WSCD2: variants seen among roughly 807,000 people sequenced by gnomAD.
WSCD2 encodes WSC domain sialate O sulfotransferase 2.
WSCD2 carries 28 observed loss-of-function variants against 55.7 expected under a neutral mutation model. The ratio of observed to expected loss-of-function variants is 0.50; its 90% CI spans 0.37 to 0.69. The LOEUF is 0.69. Among genes scored for constraint, WSCD2 ranks in the 30% least tolerant of loss-of-function variants. WSCD2 has a pLI of 0.00. For missense variants in WSCD2, 616 were observed against 762.1 expected, an observed-to-expected ratio of 0.81 and a Z score of 2.26; for synonymous variants, 301 against 301.9, an observed-to-expected ratio of 1.00 and a Z score of 0.03.
chr12:108,176,351 T>G (rs1880866817), intron 1 of WSCD2, among the ~76,000 whole-genome samples: 1 of 152,166 alleles, frequency 6.6e-6, no homozygotes, highest in Non-Finnish European at 1.5e-5. Context: ...TGACAACCAC[T>G]ATCTGTTTTG....
chr12:108,160,980 G>A (rs1393844772), intron 1 of WSCD2, among the ~76,000 whole-genome samples: 1 of 152,142 alleles, frequency 6.6e-6, no homozygotes, highest in Non-Finnish European at 1.5e-5. Flanking sequence ...CCACCTAACT[G>A]GATTATTGGG....
At chr12:108,224,939 G>A in intron 5 of WSCD2, 79 bp downstream of exon 5, 1 of 1,554,328 alleles carries the variant, frequency 6.4e-7, no homozygotes, top group Non-Finnish European at 8.6e-7. Context: ...TGCTTGGCTG[G>A]AGAAGCAACA....
intron 1 of WSCD2, among the ~76,000 whole-genome samples, chr12:108,166,740 CTTT>C (rs1565928615): frequency 1.1e-4 from 6 of 55,416 alleles, no homozygotes; most frequent in Non-Finnish European, 2.4e-4. Flanking sequence ...TTCTTTCTTT[CTTT>C]CCTTCTTTCT....
intron 1 of WSCD2, among the ~76,000 whole-genome samples, chr12:108,178,638 C>T (rs189663812): frequency 3.3e-5 from 5 of 152,318 alleles, no homozygotes; most frequent in Admixed American, 2.0e-4. Flanking sequence ...ACAGATCCTA[C>T]ACCTTCTTAG....
chr12:108,184,813 T>C lies in WSCD2; in HGVS notation c.-551-10469T>C, dbSNP rs1443972667. Among the ~76,000 whole-genome samples, 3 of 152,232 alleles carry C rather than the reference T, an allele frequency of 2.0e-5. No individual in the cohort carries two copies. In the East Asian group the frequency reaches 5.8e-4, roughly 29 times the overall value. ...CGAGACATTTTATATGGACAGAGGT[T>C]ATTTCATTCAAGTTTCTCCAAGCCT... On this transcript the variant is annotated intron_variant, in intron 1 of 8. Coordinates refer to ENST00000547525, the MANE Select transcript of WSCD2 (RefSeq NM_014653.4).
At chr12:108,160,527 CTGGCAGGGGAGG>C (rs1304658723) in intron 1 of WSCD2, among the ~76,000 whole-genome samples, 1 of 152,058 alleles carries the variant, frequency 6.6e-6, no homozygotes, top group Non-Finnish European at 1.5e-5. Context: ...GAAAGAGAGG[CTGGCAGGGGAGG>C]TGCCACACAC....
chr12:108,137,564 C>T (rs143764393), intron 1 of WSCD2, among the ~76,000 whole-genome samples: 274 of 152,292 alleles, frequency 1.8e-3, no homozygotes, highest in African/African-American at 5.6e-3. Context: ...TACAAAACTA[C>T]GAAGCATGGA....
At position 108,248,977 on chromosome 12, in the gene WSCD2, T is replaced by C. The variant is rs1352192347; in HGVS notation, c.*634T>C. ...AGACACCATGTGGGGCCATTGGTGT[T>C]ATGAGCCCCCCAGGCCACACTGCTT... On this transcript the variant is annotated 3_prime_UTR_variant, in exon 9 of 9. Transcript: ENST00000547525. This position sits in a 1 kb window ranked among gnomAD's most constrained non-coding sequence, Gnocchi z 4.3. 1.1e-6 allele frequency: 1 copy of C among 936,770 alleles called. No individual in the cohort carries two copies. 58.0% of individuals were successfully genotyped at this position (936,770 alleles called of 1,614,324 possible).
intron 1 of WSCD2, among the ~76,000 whole-genome samples, chr12:108,174,271 A>G (rs1311065006): frequency 2.6e-5 from 4 of 152,198 alleles, no homozygotes; most frequent in Non-Finnish European, 4.4e-5. Flanking sequence ...CCCTTAAAAA[A>G]TATTCAAGGC....
At chr12:108,231,773 T>G (rs1888787861) in intron 6 of WSCD2, among the ~76,000 whole-genome samples, 1 of 152,224 alleles carries the variant, frequency 6.6e-6, no homozygotes. Context: ...GGGCAGGGTT[T>G]CTGACCACAC....
intron 1 of WSCD2, among the ~76,000 whole-genome samples, chr12:108,165,853 A>T (rs950059609): frequency 6.6e-6 from 1 of 152,222 alleles, no homozygotes; most frequent in South Asian, 2.1e-4. Flanking sequence ...CTCCAAACAA[A>T]GACAAGGTAG....
At chr12:108,153,312 A>T (rs537530303) in intron 1 of WSCD2, among the ~76,000 whole-genome samples, 8 of 152,304 alleles carry the variant, frequency 5.3e-5, no homozygotes, top group African/African-American at 1.9e-4. Flanking sequence ...TAATTAAATA[A>T]AACCTGTGCT....
At chr12:108,151,256 G>A (rs1455122051) in intron 1 of WSCD2, among the ~76,000 whole-genome samples, 1 of 152,134 alleles carries the variant, frequency 6.6e-6, no homozygotes, top group African/African-American at 2.4e-5. Flanking sequence ...GCATTGCAGT[G>A]TGTTGAGCAG....
At chr12:108,217,773 G>A (rs902226198) in intron 4 of WSCD2, among the ~76,000 whole-genome samples, 3 of 152,168 alleles carry the variant, frequency 2.0e-5, no homozygotes, top group Admixed American at 6.5e-5. Flanking sequence ...CCAAAGAGGT[G>A]CACAGCAGTA....
In WSCD2 at chr12:108,159,432, A is replaced by G. The variant is rs1223077059; in HGVS notation, c.-552+29506A>G. The stretch of plus-strand genomic sequence containing the variant: ...TCTACAGATGAGAGAACCAAGGCAG[A>G]GACGAAAGTGGCTAAGCTGGGGCTC... On this transcript the variant is annotated intron_variant, in intron 1 of 8. Transcript: ENST00000547525. Among the ~76,000 whole-genome samples, 3 of 152,386 alleles carry G rather than the reference A, an allele frequency of 2.0e-5. No homozygotes were observed. In the East Asian group the frequency reaches 5.8e-4, roughly 29 times the overall value.
At chr12:108,147,749 C>T (rs914228390) in intron 1 of WSCD2, among the ~76,000 whole-genome samples, 1 of 151,900 alleles carries the variant, frequency 6.6e-6, no homozygotes, top group African/African-American at 2.4e-5. Context: ...TGTGGTGTTG[C>T]ACACCTGTAG....
At chr12:108,151,716 C>T (rs577477742) in intron 1 of WSCD2, among the ~76,000 whole-genome samples, 10 of 152,344 alleles carry the variant, frequency 6.6e-5, no homozygotes, top group African/African-American at 2.4e-4. Flanking sequence ...ACCACACACT[C>T]ACTGGGGACT....
intron 4 of WSCD2, among the ~76,000 whole-genome samples, chr12:108,219,864 C>T (rs1454645462): frequency 6.6e-6 from 1 of 152,222 alleles, no homozygotes; most frequent in Non-Finnish European, 1.5e-5. Flanking sequence ...AAATAAGATC[C>T]TGGTGGCAGG....
intron 5 of WSCD2, among the ~76,000 whole-genome samples, chr12:108,225,542 C>T (rs1887987685): frequency 6.6e-6 from 1 of 152,184 alleles, no homozygotes; most frequent in Non-Finnish European, 1.5e-5. Flanking sequence ...AAGACAGTCC[C>T]ACCTTGGGAC....
Sources: gnomAD v4.1 joint callset for allele counts (sites outside exome capture counted in the v4.1 genomes callset) on GRCh38, gnomAD v4.1.1 for gene constraint, Gnocchi (gnomAD v3.1) non-coding constraint, MANE v1.5 for transcripts, NCBI Gene and HGNC (gene_info 2026-07-23, HGNC 2026-07-21) for gene names.